Variants in RNF31 observed in about 807,000 individuals in gnomAD.
RNF31 encodes the protein ring finger protein 31, also known as E3 ubiquitin-protein ligase RNF31.
A neutral mutation model predicts 133.6 loss-of-function variants in RNF31; 38 were observed. That is an observed-to-expected ratio of 0.28 (90% CI 0.22 to 0.37). The LOEUF (loss-of-function observed/expected upper bound fraction) is 0.37. Ranked by LOEUF, RNF31 falls within the 10% of genes least tolerant of loss-of-function variation. The pLI is 1.00. For missense variants in RNF31, 1,118 were observed against 1,394.1 expected, an observed-to-expected ratio of 0.80 and a Z score of 3.15; for synonymous variants, 582 against 552.3, an observed-to-expected ratio of 1.05 and a Z score of -0.75.
intron 18 of RNF31, 46 bp downstream of exon 18, chr14:24,158,245 G>A (rs774738849): frequency 5.1e-6 from 8 of 1,581,000 alleles, no homozygotes; most frequent in Non-Finnish European, 6.1e-6. Context: ...GGTGTGCTGG[G>A]CTCCCACCGT....
chr14:24,150,489 G>A (rs749555137), intron 7 of RNF31, 41 bp downstream of exon 7: 1 of 1,583,888 alleles, frequency 6.3e-7, no homozygotes, highest in Non-Finnish European at 8.6e-7. Flanking sequence ...GTTACCTCAG[G>A]CATTCTCTTC....
upstream of RNF31, chr14:24,147,452 G>T: frequency 2.7e-6 from 1 of 376,972 alleles, no homozygotes; most frequent in Admixed American, 4.7e-5. Context: ...TTAACCTTAA[G>T]CCCCGCCCGT....
At position 24,151,312 on chromosome 14, in the gene RNF31, C is replaced by A; in HGVS notation, c.1670C>A (p.Ala557Asp). ...TTTTCCTGTCAGGAGGCCCGGAGAG[C>A]CTGGCTGGATCGTCATGGCAACCTT... is the stretch of plus-strand genomic sequence containing the variant. ...GAFSCQEARR[A>D]WLDRHGNLDE... is the part of the protein sequence containing the mutation. Residue 557 changes from alanine (A) to aspartate (D), a missense_variant, in exon 9 of 21, where the codon GCC becomes GAC. Ala to Asp is a moderately radical substitution (Grantham distance 126). Transcript: ENST00000324103. This position sits in a 1 kb window ranked among gnomAD's most constrained non-coding sequence, Gnocchi z 5.3. The A allele has an allele frequency of 6.2e-7, 1 of 1,614,230 alleles. No individual in the cohort carries two copies. Among genetic ancestry groups the A allele is most frequent in the Non-Finnish European group, 8.5e-7 (1 of 1,180,052 alleles).
chr14:24,151,330 G>A lies in RNF31; in HGVS notation c.1688G>A (p.Gly563Asp). The change falls in exon 9 of 21, where the codon GGC (glycine) becomes GAC (aspartate). Residue 563 changes from glycine to aspartate, a missense_variant. Transcript: ENST00000324103. This position sits in a 1 kb window ranked among gnomAD's most constrained non-coding sequence, Gnocchi z 5.3. ...EARRAWLDRH[G>D]NLDEAVEECV... ...CGGAGAGCCTGGCTGGATCGTCATGGCAACCTTGATGAAGCTGTGGAGGAG... is the reference window on the plus strand; with the variant it reads ...CGGAGAGCCTGGCTGGATCGTCATGACAACCTTGATGAAGCTGTGGAGGAG... The A allele has an allele frequency of 6.2e-7, 1 of 1,614,232 alleles. No homozygotes were observed. The highest frequency in any genetic ancestry group is 8.5e-7 in the Non-Finnish European group (1 of 1,180,048).
Position 24,151,758 on chromosome 14 carries a change from T to G in RNF31, c.1924-28T>G. The G allele has an allele frequency of 6.2e-7, 1 of 1,600,288 alleles. No individual in the cohort carries two copies. Among genetic ancestry groups the G allele is most frequent in the East Asian group, 2.2e-5 (1 of 44,688 alleles). ...AGGGTCCCTGGAGTCTGACAGCACTTCCCCCCTCCACCTGAATCATATTGC... is the reference window on the plus strand; with the variant it reads ...AGGGTCCCTGGAGTCTGACAGCACTGCCCCCCTCCACCTGAATCATATTGC... On this transcript the variant is annotated intron_variant, in intron 10 of 20. Coordinates refer to ENST00000324103, the MANE Select transcript of RNF31 (RefSeq NM_017999.5). This position sits in a 1 kb window ranked among gnomAD's most constrained non-coding sequence, Gnocchi z 5.3.
intron 18 of RNF31, among the ~76,000 whole-genome samples, chr14:24,159,056 AAAATG>A (rs2139094127): frequency 6.7e-6 from 1 of 148,970 alleles, no homozygotes; most frequent in Non-Finnish European, 1.5e-5. Context: ...AAAAAAAAAA[AAAATG>A]TGGCTGGGCA....
At chr14:24,157,425 C>T (rs1406767651) in intron 15 of RNF31, 21 bp downstream of exon 15, 1 of 1,605,236 alleles carries the variant, frequency 6.2e-7, no homozygotes, top group Admixed American at 1.7e-5. Context: ...CCTACTCGGC[C>T]TGTTTGCTCA....
chr14:24,151,685 C>T lies in RNF31; in HGVS notation c.1923+15C>T, dbSNP rs770976898. On this transcript the variant is annotated intron_variant, in intron 10 of 20. Coordinates refer to ENST00000324103, the MANE Select transcript of RNF31 (RefSeq NM_017999.5). The surrounding 1 kb of genome is among the most constrained non-coding windows in gnomAD (Gnocchi z 5.3). ...CAGACAAGCAGGTGCTGGGAGGAGG[C>T]AAGAAGCCCAAGGGTCCACCTAGAG... 1 of 1,608,688 alleles carries T rather than the reference C, an allele frequency of 6.2e-7. No individual in the cohort carries two copies.
chr14:24,152,234 C>G (rs1262983413), intron 11 of RNF31, among the ~76,000 whole-genome samples: 1 of 150,730 alleles, frequency 6.6e-6, no homozygotes, highest in East Asian at 2.0e-4. Context: ...TAACAAATTC[C>G]CATACCCCCC....
Position 24,147,528 on chromosome 14 carries a change from CGCTGGGCCGGGG to C in RNF31, c.-165_-154del. 2 of 506,774 alleles carry C rather than the reference CGCTGGGCCGGGG, an allele frequency of 3.9e-6. No homozygotes were observed. The highest frequency in any genetic ancestry group is 7.2e-5 in the East Asian group (2 of 27,716). The allele number at this position is 506,774 out of a possible 1,614,324, so 31.4% of individuals were successfully genotyped here. On this transcript the variant is annotated 5_prime_UTR_variant, in exon 1 of 21. Transcript: ENST00000324103. ...ACTTCCTGTTCTCGGCTAACCCTGG[CGCTGGGCCGGGG>C]GCTGGAGAGTGACCGTGGTCTGAGT...
rs1594381188 is a variant in RNF31, at chr14:24,155,785, A to T, written c.2493+93A>T. Reference sequence around the variant, plus strand: ...GAGTTTGTGTACTGGAGAGCAAAACAGACATGAGCTCTGAGGTCAAAAGAG... The same window carrying T: ...GAGTTTGTGTACTGGAGAGCAAAACTGACATGAGCTCTGAGGTCAAAAGAG... On this transcript the variant is annotated intron_variant, in intron 14 of 20. Transcript: ENST00000324103. The surrounding 1 kb of genome is among the most constrained non-coding windows in gnomAD (Gnocchi z 4.9). The T allele has an allele frequency of 5.7e-6, 6 of 1,055,882 alleles. No homozygotes were observed. The East Asian group carries it at 1.4e-4, about 25-fold the overall frequency. The allele number at this position is 1,055,882 out of a possible 1,614,324, so 65.4% of individuals were successfully genotyped here.
chr14:24,149,450 A>T lies in RNF31; in HGVS notation c.676A>T (p.Thr226Ser). ...PCFLCGSAPG[T>S]LHCPSCKQAL... ...CTTCCTCTGTGGTTCTGCCCCAGGC[A>T]CACTGCACTGCCCATCCTGTAAACA... The change falls in exon 6 of 21, where the codon ACA becomes TCA. Residue 226 changes from threonine to serine, a missense_variant. Coordinates refer to ENST00000324103, the MANE Select transcript of RNF31 (RefSeq NM_017999.5). 1 of 1,614,114 alleles carries T rather than the reference A, an allele frequency of 6.2e-7. No individual in the cohort carries two copies. Among genetic ancestry groups the T allele is most frequent in the Non-Finnish European group, 8.5e-7 (1 of 1,179,998 alleles).
At position 24,151,410 on chromosome 14, in the gene RNF31, C is replaced by T. The variant is rs768937891; in HGVS notation, c.1737+31C>T. The stretch of plus-strand genomic sequence containing the variant: ...AGCTGTGCTGGATATGGGATAGGGT[C>T]GAGAGTCTGCATCTCTCACACTCTC... On this transcript the variant is annotated intron_variant, in intron 9 of 20. Coordinates refer to ENST00000324103, the MANE Select transcript of RNF31 (RefSeq NM_017999.5). The surrounding 1 kb of genome is among the most constrained non-coding windows in gnomAD (Gnocchi z 5.3). 5.2e-5 allele frequency: 84 copies of T among 1,613,228 alleles called. 1 individual carries two copies. Among genetic ancestry groups the T allele is most frequent in the Middle Eastern group, 1.6e-4 (1 of 6,082 alleles).
chr14:24,159,383 C>T (rs2038406384), intron 18 of RNF31, among the ~76,000 whole-genome samples: 1 of 148,058 alleles, frequency 6.8e-6, no homozygotes, highest in Non-Finnish European at 1.5e-5. Flanking sequence ...CCAGAGGTAG[C>T]CAATAGCCAG....
chr14:24,154,055 G>A (rs908177646), intron 11 of RNF31, among the ~76,000 whole-genome samples: 10 of 150,478 alleles, frequency 6.6e-5, no homozygotes, highest in Non-Finnish European at 8.9e-5. Context: ...GAGCGCAGTC[G>A]CGCAATCATG....
chr14:24,155,128 C>G lies in RNF31; in HGVS notation c.2131-29C>G, dbSNP rs1347558863. On this transcript the variant is annotated intron_variant, in intron 11 of 20. Coordinates refer to ENST00000324103, the MANE Select transcript of RNF31 (RefSeq NM_017999.5). The surrounding 1 kb of genome is among the most constrained non-coding windows in gnomAD (Gnocchi z 4.9). Reference sequence around the variant, plus strand: ...TAGCCTGGCAGCTGTGGCTTCTGACCCCCTCCCCTCCAACCCCTCACCCTC... The same window carrying G: ...TAGCCTGGCAGCTGTGGCTTCTGACGCCCTCCCCTCCAACCCCTCACCCTC... 2 of 1,604,976 alleles carry G rather than the reference C, an allele frequency of 1.2e-6. No homozygotes were observed. Among genetic ancestry groups the G allele is most frequent in the East Asian group, 4.5e-5 (2 of 44,686 alleles).
upstream of RNF31, chr14:24,146,967 C>G (rs548907703): frequency 5.0e-4 from 143 of 285,720 alleles, 3 homozygotes; most frequent in South Asian, 5.2e-3. Context: ...CCCAAGAAGG[C>G]TCGACCGCAA....
At chr14:24,152,022 A>G (rs1440390322) in intron 11 of RNF31, 30 bp downstream of exon 11, 4 of 1,602,468 alleles carry the variant, frequency 2.5e-6, no homozygotes, top group Non-Finnish European at 3.4e-6. Context: ...ACCTGGTCCA[A>G]GAATTACTCT....
chr14:24,152,857 C>A lies in RNF31; in HGVS notation c.2130+865C>A, dbSNP rs190011533. ...AGCACTTTGGGAGGCCAAGGCAGGCCGATCATGAGGTCAGGAGATCGAGAC... is the reference window on the plus strand; with the variant it reads ...AGCACTTTGGGAGGCCAAGGCAGGCAGATCATGAGGTCAGGAGATCGAGAC... On this transcript the variant is annotated intron_variant, in intron 11 of 20. Transcript: ENST00000324103. 1.4e-4 allele frequency among the ~76,000 whole-genome samples: 21 copies of A among 151,872 alleles called. No homozygotes were observed. In the East Asian group the frequency reaches 4.1e-3, roughly 30 times the overall value.
Sources: gnomAD v4.1 joint callset for allele counts (sites outside exome capture counted in the v4.1 genomes callset) on GRCh38, gnomAD v4.1.1 for gene constraint, Gnocchi (gnomAD v3.1) non-coding constraint, MANE v1.5 for transcripts, NCBI Gene and HGNC (gene_info 2026-07-23, HGNC 2026-07-21) for gene names.